Variants in CASZ1 observed in about 807,000 individuals in gnomAD.
CASZ1 encodes the protein zinc finger protein castor homolog 1.
A neutral mutation model predicts 135.2 loss-of-function variants in CASZ1; 28 were observed. The ratio of observed to expected loss-of-function variants is 0.21; its 90% CI spans 0.15 to 0.28. CASZ1 has a LOEUF of 0.28. Among genes scored for constraint, CASZ1 ranks in the 10% least tolerant of loss-of-function variants. The pLI is 1.00. For synonymous variants in CASZ1, 1,068 were observed against 1,073.4 expected, an observed-to-expected ratio of 0.99 and a Z score of 0.10; for missense variants, 2,161 against 2,453.3, an observed-to-expected ratio of 0.88 and a Z score of 2.52.
In CASZ1 at chr1:10,650,715, G is replaced by C; in HGVS notation, c.2857C>G (p.Leu953Val). ...NGHAVPANSS[L>V]LSSLMNKMSQ... Reference sequence around the variant, plus strand: ...ACCTTATTCATAAGCGAGGATAAAAGAGATGAATTTGCCGGGACTGCGTGG... The same window carrying C: ...ACCTTATTCATAAGCGAGGATAAAACAGATGAATTTGCCGGGACTGCGTGG... Residue 953 changes from leucine (L) to valine (V), a missense_variant, in exon 13 of 21, where the codon CTT becomes GTT. Coordinates refer to ENST00000377022, the MANE Select transcript of CASZ1 (RefSeq NM_001079843.3). The C allele has an allele frequency of 2.5e-6, 4 of 1,614,094 alleles. No homozygotes were observed. Among genetic ancestry groups the C allele is most frequent in the African/African-American group, 1.3e-5 (1 of 75,060 alleles).
chr1:10,659,589 T>TCATTAAAAAA, intron 6 of CASZ1, 113 bp downstream of exon 6: 1 of 797,976 alleles, frequency 1.3e-6, no homozygotes, highest in Non-Finnish European at 2.1e-6. Context: ...TGGATGTGTA[T>TCATTAAAAAA]AAGGTGTGAG....
chr1:10,722,300 C>A (rs762176170), intron 2 of CASZ1, among the ~76,000 whole-genome samples: 2 of 152,136 alleles, frequency 1.3e-5, no homozygotes, highest in Non-Finnish European at 2.9e-5. Context: ...GGAGAGGAAA[C>A]AACATGTTTT....
intron 2 of CASZ1, among the ~76,000 whole-genome samples, chr1:10,708,651 T>C (rs968202035): frequency 1.3e-5 from 2 of 152,078 alleles, no homozygotes; most frequent in African/African-American, 4.8e-5. Flanking sequence ...TCCTGGCCGG[T>C]TCTGAAGCAC....
intron 13 of CASZ1, 35 bp downstream of exon 13, chr1:10,650,657 G>A (rs781588250): frequency 4.5e-6 from 7 of 1,562,038 alleles, no homozygotes; most frequent in African/African-American, 2.7e-5. Context: ...TTCTCTGGGT[G>A]GGGGAACGGG....
At chr1:10,732,287 C>T (rs992681814) in intron 2 of CASZ1, among the ~76,000 whole-genome samples, 1 of 148,816 alleles carries the variant, frequency 6.7e-6, no homozygotes, top group East Asian at 2.0e-4. Flanking sequence ...TGCAACTGCA[C>T]TCCAGCCTGG....
chr1:10,768,611 G>A (rs172229), intron 1 of CASZ1, among the ~76,000 whole-genome samples: 3,636 of 152,274 alleles, frequency 0.024, 143 homozygotes, highest in African/African-American at 0.082. Context: ...CCTGGGGGAC[G>A]GGCACCAGAG....
At position 10,777,044 on chromosome 1, in the gene CASZ1, G is replaced by C. The variant is rs990103786; in HGVS notation, c.-233-16187C>G. 2.6e-5 allele frequency among the ~76,000 whole-genome samples: 4 copies of C among 152,138 alleles called. No homozygotes were observed. Among genetic ancestry groups the C allele is most frequent in the African/African-American group, 7.2e-5 (3 of 41,420 alleles). ...GGGAAGATGACCGTGTTTCCAAATG[G>C]CTCAAATACTGGGTCCTAGTTCCAG... On this transcript the variant is annotated intron_variant, in intron 1 of 20. Transcript: ENST00000377022. This position sits in a 1 kb window ranked among gnomAD's most constrained non-coding sequence, Gnocchi z 4.4.
At chr1:10,680,657 C>T (rs1053409533) in intron 4 of CASZ1, among the ~76,000 whole-genome samples, 4 of 152,112 alleles carry the variant, frequency 2.6e-5, no homozygotes, top group Non-Finnish European at 5.9e-5. Flanking sequence ...CTGAGGTCAG[C>T]GGGTGGAGAA....
chr1:10,667,639 T>C (rs533337630), intron 4 of CASZ1, among the ~76,000 whole-genome samples: 1 of 152,220 alleles, frequency 6.6e-6, no homozygotes, highest in Non-Finnish European at 1.5e-5. Context: ...TTGCCCTGGA[T>C]GGGGAAGGGA....
Position 10,701,300 on chromosome 1 carries a change from C to T in CASZ1, c.-24+4192G>A, listed in dbSNP as rs1189022019. 6.6e-6 allele frequency among the ~76,000 whole-genome samples: 1 copy of T among 152,316 alleles called. No homozygotes were observed. The highest frequency in any genetic ancestry group is 2.4e-5 in the African/African-American group (1 of 41,568). Reference sequence around the variant, plus strand: ...GTTCCCGTGCGCACTCTCCCTGTCTCGCAGACACTCATATTCTCCATGTGC... The same window carrying T: ...GTTCCCGTGCGCACTCTCCCTGTCTTGCAGACACTCATATTCTCCATGTGC... On this transcript the variant is annotated intron_variant, in intron 3 of 20. Coordinates refer to ENST00000377022, the MANE Select transcript of CASZ1 (RefSeq NM_001079843.3). This position sits in a 1 kb window ranked among gnomAD's most constrained non-coding sequence, Gnocchi z 6.3.
intron 4 of CASZ1, among the ~76,000 whole-genome samples, chr1:10,667,356 C>G (rs1013429638): frequency 6.6e-5 from 10 of 152,208 alleles, no homozygotes; most frequent in African/African-American, 2.4e-4. Flanking sequence ...TCAGCCCACT[C>G]CCAGGCCTTC....
intron 4 of CASZ1, among the ~76,000 whole-genome samples, chr1:10,668,165 G>A (rs1174640806): frequency 6.6e-6 from 1 of 152,142 alleles, no homozygotes; most frequent in Non-Finnish European, 1.5e-5. Flanking sequence ...GCTGGGCGGC[G>A]GGAACAGGGG....
chr1:10,724,259 G>A lies in CASZ1; in HGVS notation c.-76-18715C>T, dbSNP rs564274924. Among the ~76,000 whole-genome samples, 14 of 152,238 alleles carry A rather than the reference G, an allele frequency of 9.2e-5. No homozygotes were observed. The highest frequency in any genetic ancestry group is 3.4e-4 in the African/African-American group (14 of 41,552). ...CCAGCAAATCATTTCCCAGAGCCAC[G>A]GCCCCCTCCCCAGCACCAAGAACCT... On this transcript the variant is annotated intron_variant, in intron 2 of 20. Transcript: ENST00000377022. This position sits in a 1 kb window ranked among gnomAD's most constrained non-coding sequence, Gnocchi z 4.1.
rs967111939 is a variant in CASZ1, at chr1:10,759,818, G to A, written c.-77+883C>T. ...GCACACATAGGAAGAGCAGCCCCCG[G>A]CCCTGCCCTCCCCAGACATCCTCTA... is the stretch of plus-strand genomic sequence containing the variant. On this transcript the variant is annotated intron_variant, in intron 2 of 20. Transcript: ENST00000377022. The surrounding 1 kb of genome is among the most constrained non-coding windows in gnomAD (Gnocchi z 4.2). Among the ~76,000 whole-genome samples, 12 of 151,930 alleles carry A rather than the reference G, an allele frequency of 7.9e-5. No homozygotes were observed. The highest frequency in any genetic ancestry group is 2.9e-4 in the African/African-American group (12 of 41,310).
rs1348908091 is a variant in CASZ1 at position 10,700,050 on chromosome 1, AAG to A, written c.-24+5440_-24+5441del. 4.2e-5 allele frequency among the ~76,000 whole-genome samples: 5 copies of A among 117,732 alleles called. No homozygotes were observed. The highest frequency in any genetic ancestry group is 1.4e-4 in the African/African-American group (4 of 27,968). The allele number at this position is 117,732 out of a possible 152,430, so 77.2% of individuals were successfully genotyped here. A position where few individuals can be genotyped will look rare whatever the true frequency, so the allele number is the denominator to read the frequency against. ...AGAGAGAGAGACAGAGAGAGAGAGA[AAG>A]AGAGACAGAGAGAGAAAGAGAGATA... On this transcript the variant is annotated intron_variant, in intron 3 of 20. Transcript: ENST00000377022. The surrounding 1 kb of genome is among the most constrained non-coding windows in gnomAD (Gnocchi z 4.2).
At chr1:10,671,315 C>A (rs535602432) in intron 4 of CASZ1, among the ~76,000 whole-genome samples, 2 of 152,354 alleles carry the variant, frequency 1.3e-5, no homozygotes, top group African/African-American at 4.8e-5. Flanking sequence ...AGACCGCGTG[C>A]ATGCCTGTGC....
rs1639584873 is a variant in CASZ1 at position 10,725,741 on chromosome 1, C to G, written c.-76-20197G>C. On this transcript the variant is annotated intron_variant, in intron 2 of 20. Transcript: ENST00000377022. The surrounding 1 kb of genome is among the most constrained non-coding windows in gnomAD (Gnocchi z 4.4). ...CCTTTTTTTTTTTTTACTAGGAGACCCCAGAGAGGATGATCCTGGGGAACC... is the reference window on the plus strand; with the variant it reads ...CCTTTTTTTTTTTTTACTAGGAGACGCCAGAGAGGATGATCCTGGGGAACC... Among the ~76,000 whole-genome samples the G allele has an allele frequency of 6.6e-6, 1 of 151,342 alleles. No individual in the cohort carries two copies. The highest frequency in any genetic ancestry group is 1.5e-5 in the Non-Finnish European group (1 of 67,866).
In CASZ1 at chr1:10,757,240, AGAG is replaced by A. The variant is rs140861927; in HGVS notation, c.-77+3458_-77+3460del. On this transcript the variant is annotated intron_variant, in intron 2 of 20. Coordinates refer to ENST00000377022, the MANE Select transcript of CASZ1 (RefSeq NM_001079843.3). The surrounding 1 kb of genome is among the most constrained non-coding windows in gnomAD (Gnocchi z 4.6). ...CTGCTGTGTTCAGGGGGCAGGAGAG[AGAG>A]GAGAAGACACAGAGCCACAAATCCG... Among the ~76,000 whole-genome samples, 1,002 of 152,282 alleles carry A rather than the reference AGAG, an allele frequency of 6.6e-3. 14 individuals carry two copies. Among genetic ancestry groups the A allele is most frequent in the African/African-American group, 0.023 (970 of 41,554 alleles).
intron 2 of CASZ1, among the ~76,000 whole-genome samples, chr1:10,715,597 ACCCCACAGCACCCAATCCGCT>A (rs1557527653): frequency 6.9e-5 from 6 of 86,340 alleles, no homozygotes; most frequent in South Asian, 4.5e-4. Context: ...CCCAATCCGC[ACCCCACAGCACCCAATCCGCT>A]CCCCACAGCA....
Sources: gnomAD v4.1 joint callset for allele counts (sites outside exome capture counted in the v4.1 genomes callset) on GRCh38, gnomAD v4.1.1 for gene constraint, Gnocchi (gnomAD v3.1) non-coding constraint, MANE v1.5 for transcripts, NCBI Gene and HGNC (gene_info 2026-07-23, HGNC 2026-07-21) for gene names.